Variants in SLC35F3 observed in about 807,000 individuals in gnomAD.
The protein encoded by SLC35F3 is putative thiamine transporter SLC35F3.
A neutral mutation model predicts 49.9 loss-of-function variants in SLC35F3; 25 were observed. The observed-to-expected ratio is 0.50, with a 90% CI of 0.37 to 0.70. SLC35F3 has a LOEUF of 0.70. SLC35F3 is among the 30% of genes least tolerant of loss of function. The pLI, the probability that SLC35F3 is intolerant of heterozygous loss-of-function variation, is 0.00. For missense variants in SLC35F3, 525 were observed against 639.8 expected, an observed-to-expected ratio of 0.82 and a Z score of 1.94; for synonymous variants, 275 against 265.4, an observed-to-expected ratio of 1.04 and a Z score of -0.35.
At chr1:233,933,679 T>G (rs1662281164) in intron 2 of SLC35F3, among the ~76,000 whole-genome samples, 1 of 152,082 alleles carries the variant, frequency 6.6e-6, no homozygotes, top group Non-Finnish European at 1.5e-5. Context: ...GGCAAAAACC[T>G]GTTTCTAATA....
chr1:234,128,492 T>C (rs1417451743), intron 2 of SLC35F3, among the ~76,000 whole-genome samples: 1 of 151,930 alleles, frequency 6.6e-6, no homozygotes, highest in Admixed American at 6.6e-5. Context: ...GGGTGAGGGA[T>C]GAGAATGAGG....
chr1:234,006,244 G>A (rs917859692), intron 2 of SLC35F3, among the ~76,000 whole-genome samples: 1 of 152,064 alleles, frequency 6.6e-6, no homozygotes, highest in African/African-American at 2.4e-5. Flanking sequence ...GTTCATATTT[G>A]CAGTGAACCA....
chr1:233,996,084 A>G (rs1240429558), intron 2 of SLC35F3, among the ~76,000 whole-genome samples: 2 of 152,166 alleles, frequency 1.3e-5, no homozygotes, highest in African/African-American at 4.8e-5. Context: ...TTATATATAT[A>G]CACAGTTGGC....
chr1:234,299,421 C>A (rs917131190), intron 3 of SLC35F3, among the ~76,000 whole-genome samples: 2 of 150,958 alleles, frequency 1.3e-5, no homozygotes, highest in African/African-American at 4.9e-5. Flanking sequence ...CAAGGTGATC[C>A]TCATGCCAGA....
intron 2 of SLC35F3, among the ~76,000 whole-genome samples, chr1:234,182,354 T>C (rs1202742872): frequency 6.6e-6 from 1 of 152,230 alleles, no homozygotes; most frequent in Non-Finnish European, 1.5e-5. Flanking sequence ...CTTGCACATT[T>C]ATTACTCCAT....
In SLC35F3 at chr1:234,214,227, CAGCA is replaced by C; in HGVS notation, c.284-17188_284-17185del. On this transcript the variant is annotated intron_variant, in intron 2 of 7. Transcript: ENST00000366618. This position sits in a 1 kb window ranked among gnomAD's most constrained non-coding sequence, Gnocchi z 8.0. ...CACTTGTACGTGACGTTGGAGTTTG[CAGCA>C]ACCTCCAAGTAGGAGGCTGTGCGCG... 8.3e-7 allele frequency: 1 copy of C among 1,208,516 alleles called. No individual in the cohort carries two copies. Among genetic ancestry groups the C allele is most frequent in the Non-Finnish European group, 1.0e-6 (1 of 972,672 alleles). 74.9% of individuals were successfully genotyped at this position (1,208,516 alleles called of 1,614,324 possible).
intron 3 of SLC35F3, among the ~76,000 whole-genome samples, chr1:234,236,449 A>G (rs577958298): frequency 5.9e-5 from 9 of 152,080 alleles, no homozygotes; most frequent in Non-Finnish European, 1.2e-4. Context: ...CAAAACAAAA[A>G]AAAAGAAGTT....
intron 2 of SLC35F3, among the ~76,000 whole-genome samples, chr1:233,965,160 A>G (rs905389912): frequency 3.3e-5 from 5 of 152,206 alleles, no homozygotes; most frequent in Admixed American, 1.3e-4. Context: ...AACTAAAGCA[A>G]TTCTCTAAGG....
intron 2 of SLC35F3, among the ~76,000 whole-genome samples, chr1:234,059,610 CATAGACTAGACATAGACA>C (rs1558217559): frequency 6.9e-6 from 1 of 145,642 alleles, no homozygotes; most frequent in Non-Finnish European, 1.5e-5. Flanking sequence ...GAGACATAGA[CATAGACTAGACATAGACA>C]TAGACATAGA....
At chr1:234,028,940 C>T (rs887850699) in intron 2 of SLC35F3, among the ~76,000 whole-genome samples, 10 of 152,136 alleles carry the variant, frequency 6.6e-5, no homozygotes, top group Non-Finnish European at 1.2e-4. Context: ...CGATGATTTC[C>T]GTGGGGAGCT....
chr1:234,207,962 T>A (rs1457122954), intron 2 of SLC35F3, among the ~76,000 whole-genome samples: 1 of 152,160 alleles, frequency 6.6e-6, no homozygotes, highest in Non-Finnish European at 1.5e-5. Flanking sequence ...TGAGCTGTGA[T>A]CACATCATGG....
At chr1:234,179,843 C>T (rs10910371) in intron 2 of SLC35F3, among the ~76,000 whole-genome samples, 11,895 of 152,234 alleles carry the variant, frequency 0.078, 1,303 homozygotes, top group African/African-American at 0.25. Flanking sequence ...GCAAAAGCCT[C>T]TTTGACTTCA....
intron 2 of SLC35F3, among the ~76,000 whole-genome samples, chr1:233,975,208 T>C (rs1214879019): frequency 6.6e-6 from 1 of 152,238 alleles, no homozygotes; most frequent in East Asian, 1.9e-4. Context: ...CATATTTTGA[T>C]AAATACAACC....
intron 2 of SLC35F3, among the ~76,000 whole-genome samples, chr1:234,148,357 C>G (rs1666026530): frequency 6.6e-6 from 1 of 152,140 alleles, no homozygotes; most frequent in South Asian, 2.1e-4. Context: ...ACTTCTTTAC[C>G]TTTATTCTTC....
chr1:234,103,729 A>G (rs1435137882), intron 2 of SLC35F3, among the ~76,000 whole-genome samples: 3 of 152,166 alleles, frequency 2.0e-5, no homozygotes, highest in African/African-American at 4.8e-5. Context: ...AACACCCTCC[A>G]TTAGCCCGCA....
intron 2 of SLC35F3, among the ~76,000 whole-genome samples, chr1:233,986,506 A>ATATG (rs1322010928): frequency 6.6e-6 from 1 of 152,216 alleles, no homozygotes; most frequent in Admixed American, 6.5e-5. Context: ...GCATATATGT[A>ATATG]TATGTATGTA....
chr1:233,954,220 A>C (rs991960721), intron 2 of SLC35F3, among the ~76,000 whole-genome samples: 9 of 152,104 alleles, frequency 5.9e-5, no homozygotes, highest in African/African-American at 2.2e-4. Context: ...GTTAGCCAGG[A>C]TGGTCTCCAT....
chr1:234,050,461 C>G (rs2102857238), intron 2 of SLC35F3, among the ~76,000 whole-genome samples: 1 of 152,270 alleles, frequency 6.6e-6, no homozygotes, highest in Admixed American at 6.5e-5. Flanking sequence ...TGTTCATATC[C>G]TTTGCCCACT....
chr1:234,258,589 G>A (rs1335048400), intron 3 of SLC35F3, among the ~76,000 whole-genome samples: 6 of 152,206 alleles, frequency 3.9e-5, no homozygotes, highest in Non-Finnish European at 5.9e-5. Context: ...AACAAGGAGC[G>A]AATAGTTTTG....
Sources: allele counts gnomAD v4.1 joint callset (sites outside exome capture counted in the v4.1 genomes callset), GRCh38; gene constraint gnomAD v4.1.1; non-coding constraint Gnocchi (gnomAD v3.1); transcripts MANE v1.5; gene names NCBI Gene and HGNC (gene_info 2026-07-23, HGNC 2026-07-21).